Variants in EPHA5 observed in about 807,000 individuals in gnomAD.
The protein encoded by EPHA5 is ephrin type-A receptor 5.
In EPHA5, 60 loss-of-function variants were observed where a neutral mutation model predicts 105.0. The observed-to-expected ratio is 0.57, with a 90% CI of 0.46 to 0.71. The LOEUF (loss-of-function observed/expected upper bound fraction) is 0.71. Ranked by LOEUF, EPHA5 falls within the 30% of genes least tolerant of loss-of-function variation. The pLI is 0.00. For synonymous variants in EPHA5, 513 were observed against 449.1 expected (o/e 1.14, Z -1.80); for missense variants, 1,218 against 1,274.7 (o/e 0.96, Z 0.68).
chr4:65,372,374 A>G (rs2148908129), intron 8 of EPHA5, among the ~76,000 whole-genome samples: 1 of 152,054 alleles, frequency 6.6e-6, no homozygotes, highest in East Asian at 1.9e-4. Flanking sequence ...ATTTTGTTTT[A>G]TGAGCCAGTA....
chr4:65,643,631 C>T (rs1300999574), intron 1 of EPHA5, among the ~76,000 whole-genome samples: 1 of 151,400 alleles, frequency 6.6e-6, no homozygotes, highest in African/African-American at 2.4e-5. Context: ...GAAGAACAAT[C>T]ACAGCAAAAT....
At chr4:65,424,511 C>T (rs932145993) in intron 5 of EPHA5, among the ~76,000 whole-genome samples, 2 of 151,984 alleles carry the variant, frequency 1.3e-5, no homozygotes, top group South Asian at 4.1e-4. Flanking sequence ...TCTTCAGGTA[C>T]AATGTCAGGT....
intron 3 of EPHA5, among the ~76,000 whole-genome samples, chr4:65,535,225 A>T (rs895405889): frequency 6.6e-6 from 1 of 152,126 alleles, no homozygotes; most frequent in East Asian, 1.9e-4. Context: ...TGTAATTGCT[A>T]ATGAGACCAC....
chr4:65,662,480 C>T (rs1246841505), intron 1 of EPHA5, among the ~76,000 whole-genome samples: 1 of 152,082 alleles, frequency 6.6e-6, no homozygotes, highest in African/African-American at 2.4e-5. Flanking sequence ...TTATCACAGA[C>T]ACTTTAATCC....
chr4:65,461,382 G>T (rs1251551273), intron 5 of EPHA5, among the ~76,000 whole-genome samples: 1 of 151,920 alleles, frequency 6.6e-6, no homozygotes. Flanking sequence ...CTGAAAAACA[G>T]AAAATTTATA....
At chr4:65,376,417 C>A (rs1035260361) in intron 8 of EPHA5, among the ~76,000 whole-genome samples, 5 of 151,990 alleles carry the variant, frequency 3.3e-5, no homozygotes, top group Admixed American at 2.0e-4. Context: ...CATTTGGGCA[C>A]TGACTGAAAA....
chr4:65,524,027 C>T (rs1735007160), intron 3 of EPHA5, among the ~76,000 whole-genome samples: 1 of 151,830 alleles, frequency 6.6e-6, no homozygotes, highest in African/African-American at 2.4e-5. Flanking sequence ...GTCTCTCCTT[C>T]CAAGCAGTTG....
intron 2 of EPHA5, among the ~76,000 whole-genome samples, chr4:65,602,874 T>C (rs1331534963): frequency 6.6e-6 from 1 of 152,116 alleles, no homozygotes; most frequent in African/African-American, 2.4e-5. Context: ...AGTTTAAAAT[T>C]AATAATAGAT....
chr4:65,452,912 A>T (rs1420033013), intron 5 of EPHA5, among the ~76,000 whole-genome samples: 1 of 152,140 alleles, frequency 6.6e-6, no homozygotes, highest in Non-Finnish European at 1.5e-5. Context: ...AAAAAGAAGA[A>T]ATTGTGCTGA....
chr4:65,626,524 T>A (rs1746175457), intron 2 of EPHA5, among the ~76,000 whole-genome samples: 1 of 152,226 alleles, frequency 6.6e-6, no homozygotes, highest in African/African-American at 2.4e-5. Context: ...AATAATATAA[T>A]CTCCAGTTGC....
chr4:65,326,748 A>G (rs752937548), intron 16 of EPHA5, among the ~76,000 whole-genome samples: 18 of 151,352 alleles, frequency 1.2e-4, no homozygotes, highest in Non-Finnish European at 1.8e-4. Flanking sequence ...CATAAGAAAT[A>G]CTGATGAATC....
chr4:65,377,797 G>T (rs1295641679), intron 8 of EPHA5, among the ~76,000 whole-genome samples: 1 of 151,864 alleles, frequency 6.6e-6, no homozygotes, highest in Non-Finnish European at 1.5e-5. Context: ...TTTATAAAAT[G>T]CACTTTATTG....
At chr4:65,659,725 GCA>G (rs1749397274) in intron 1 of EPHA5, among the ~76,000 whole-genome samples, 2 of 152,024 alleles carry the variant, frequency 1.3e-5, no homozygotes, top group South Asian at 4.1e-4. Context: ...GAGCCTGCAA[GCA>G]CACGCATACA....
In EPHA5 at chr4:65,574,251, A is replaced by G. The variant is rs1740556332; in HGVS notation, c.910+27390T>C. On this transcript the variant is annotated intron_variant, in intron 3 of 16. Coordinates refer to ENST00000613740, the MANE Select transcript of EPHA5 (RefSeq NM_001281766.3). ...ACAAATTTTATCAAAAATCAAAGCTATTCCTCAGCTCCAGGGCTAGTTGCG... is the reference window on the plus strand; with the variant it reads ...ACAAATTTTATCAAAAATCAAAGCTGTTCCTCAGCTCCAGGGCTAGTTGCG... The G allele has an allele frequency of 2.6e-5, 41 of 1,595,754 alleles. No homozygotes were observed. In the South Asian group the frequency reaches 3.9e-4, roughly 15 times the overall value.
intron 15 of EPHA5, among the ~76,000 whole-genome samples, chr4:65,333,234 GCA>G (rs1409158757): frequency 6.6e-6 from 1 of 151,452 alleles, no homozygotes; most frequent in Non-Finnish European, 1.5e-5. Context: ...TAAGTAAATT[GCA>G]ACTATAAGAA....
chr4:65,472,972 C>A lies in EPHA5; in HGVS notation c.1402+17405G>T, dbSNP rs536706165. On this transcript the variant is annotated intron_variant, in intron 5 of 16. Transcript: ENST00000613740. ...GCTGCAAATTTTCCAAACTTTTATG[C>A]TCTGCTTCCCTTTTAAACATAAATT... is the stretch of plus-strand genomic sequence containing the variant. Among the ~76,000 whole-genome samples, 14 of 152,276 alleles carry A rather than the reference C, an allele frequency of 9.2e-5. No homozygotes were observed. The South Asian group carries it at 1.0e-3, about 11-fold the overall frequency.
chr4:65,402,555 A>G (rs1385267472), intron 8 of EPHA5, among the ~76,000 whole-genome samples: 1 of 152,176 alleles, frequency 6.6e-6, no homozygotes, highest in African/African-American at 2.4e-5. Context: ...TCAAAAACAC[A>G]GATTTATTGG....
chr4:65,410,417 C>A (rs1188782759), intron 7 of EPHA5, among the ~76,000 whole-genome samples: 3 of 152,136 alleles, frequency 2.0e-5, no homozygotes, highest in Non-Finnish European at 4.4e-5. Context: ...AGTGATAACA[C>A]ATTTGTTCTT....
At position 65,490,559 on chromosome 4, in the gene EPHA5, T is replaced by A. The variant is rs2149213488; in HGVS notation, c.1220A>T (p.Glu407Val). Residue 407 changes from glutamate (E) to valine (V), a missense_variant, in exon 5 of 17, where the codon GAG becomes GTG. Transcript: ENST00000613740. ...KCNSHAGVCE[E>V]CGGHVRYLPR... ...AAGGTACCTGACATGACCGCCACAC[T>A]CCTCACACACACCTGCATGGGAGTT... is the stretch of plus-strand genomic sequence containing the variant. 6.2e-7 allele frequency: 1 copy of A among 1,614,076 alleles called. No individual in the cohort carries two copies. Among genetic ancestry groups the A allele is most frequent in the Non-Finnish European group, 8.5e-7 (1 of 1,180,016 alleles).
Sources: gnomAD v4.1 joint callset for allele counts (sites outside exome capture counted in the v4.1 genomes callset) on GRCh38, gnomAD v4.1.1 for gene constraint, MANE v1.5 for transcripts, NCBI Gene and HGNC (gene_info 2026-07-23, HGNC 2026-07-21) for gene names.